Variants in WDR59 observed in about 807,000 individuals in gnomAD.
WDR59 encodes the protein GATOR2 complex protein WDR59.
WDR59 carries 100 observed loss-of-function variants against 131.2 expected under a neutral mutation model. The observed-to-expected ratio is 0.76, with a 90% confidence interval of 0.65 to 0.90. The LOEUF (loss-of-function observed/expected upper bound fraction) is 0.90. WDR59 is among the 40% of genes least tolerant of loss of function. The pLI is 0.00. For missense variants in WDR59, 1,203 were observed against 1,262.2 expected (o/e 0.95, Z 0.71); for synonymous variants, 601 against 466.2 (o/e 1.29, Z -3.72).
chr16:74,923,711 G>A (rs1187852373), intron 9 of WDR59, among the ~76,000 whole-genome samples: 1 of 152,028 alleles, frequency 6.6e-6, no homozygotes, highest in Non-Finnish European at 1.5e-5. Context: ...CTGACCTCAG[G>A]GGATCCAGGT....
intron 3 of WDR59, among the ~76,000 whole-genome samples, chr16:74,952,374 C>CGAGGCAA (rs1285972733): frequency 1.4e-5 from 2 of 141,714 alleles, no homozygotes; most frequent in African/African-American, 2.7e-5. Flanking sequence ...CCTGGGAGGT[C>CGAGGCAA]GAGGCAATAG....
intron 15 of WDR59, 44 bp from the exon 16 acceptor site, chr16:74,909,701 A>G (rs779441002): frequency 6.4e-7 from 1 of 1,554,760 alleles, no homozygotes; most frequent in Non-Finnish European, 8.7e-7. Flanking sequence ...AACCTGTCTT[A>G]AAGCTGAACT....
chr16:74,946,109 C>T (rs970107844), intron 6 of WDR59, among the ~76,000 whole-genome samples: 4 of 152,016 alleles, frequency 2.6e-5, no homozygotes, highest in Non-Finnish European at 4.4e-5. Context: ...CCACCACACC[C>T]GGCCACATTC....
chr16:74,963,624 G>C (rs1353645803), intron 2 of WDR59, among the ~76,000 whole-genome samples: 1 of 152,140 alleles, frequency 6.6e-6, no homozygotes, highest in Non-Finnish European at 1.5e-5. Context: ...GGGATAAATA[G>C]CTAATGCATG....
chr16:74,919,194 C>A (rs557912589), intron 10 of WDR59, among the ~76,000 whole-genome samples: 1 of 152,270 alleles, frequency 6.6e-6, no homozygotes, highest in Non-Finnish European at 1.5e-5. Context: ...AGGGCAGCAG[C>A]CTCTCCCAAC....
intron 2 of WDR59, among the ~76,000 whole-genome samples, chr16:74,958,548 A>C (rs2033403724): frequency 7.5e-6 from 1 of 133,680 alleles, no homozygotes; most frequent in Non-Finnish European, 1.6e-5. Flanking sequence ...AGCTGAGATC[A>C]CACCACTGCA....
At chr16:74,971,570 T>C (rs2033986854) in intron 1 of WDR59, among the ~76,000 whole-genome samples, 1 of 151,516 alleles carries the variant, frequency 6.6e-6, no homozygotes, top group South Asian at 2.1e-4. Context: ...GTAGCTGGGA[T>C]TACAAGTACC....
chr16:74,959,837 A>C, intron 2 of WDR59, among the ~76,000 whole-genome samples: 1 of 142,656 alleles, frequency 7.0e-6, no homozygotes, highest in Admixed American at 6.8e-5. Flanking sequence ...AACAATAAGA[A>C]AAAAAAAAAA....
At chr16:74,964,418 G>C (rs1050528179) in intron 2 of WDR59, among the ~76,000 whole-genome samples, 2 of 150,108 alleles carry the variant, frequency 1.3e-5, no homozygotes, top group Non-Finnish European at 3.0e-5. Context: ...GCAGAAAAGA[G>C]ATACCAACTT....
chr16:74,959,965 A>G (rs909082419), intron 2 of WDR59, among the ~76,000 whole-genome samples: 1 of 152,166 alleles, frequency 6.6e-6, no homozygotes, highest in Non-Finnish European at 1.5e-5. Context: ...TAAACATTAA[A>G]ACAATAGTTG....
intron 2 of WDR59, among the ~76,000 whole-genome samples, chr16:74,961,427 T>A (rs759090221): frequency 6.6e-6 from 1 of 152,172 alleles, no homozygotes; most frequent in South Asian, 2.1e-4. Context: ...TGTAAAAGCA[T>A]TCCTATTTCT....
intron 11 of WDR59, among the ~76,000 whole-genome samples, chr16:74,916,858 C>CA (rs34120750): frequency 0.58 from 81,348 of 139,422 alleles, 23,868 homozygotes; most frequent in East Asian, 0.72. Context: ...GACTCCATCT[C>CA]AAAAAAAAAA....
At chr16:74,905,115 C>A (rs1965734738) in intron 17 of WDR59, among the ~76,000 whole-genome samples, 1 of 152,190 alleles carries the variant, frequency 6.6e-6, no homozygotes. Flanking sequence ...GTGGCTCACG[C>A]CTATAATCCC....
chr16:74,983,176 C>T (rs2034493515), intron 1 of WDR59, among the ~76,000 whole-genome samples: 1 of 152,054 alleles, frequency 6.6e-6, no homozygotes, highest in Admixed American at 6.6e-5. Context: ...GACTCTGTCT[C>T]TACAAAAAAT....
At chr16:74,914,328 G>T (rs1466204107) in intron 13 of WDR59, among the ~76,000 whole-genome samples, 1 of 152,198 alleles carries the variant, frequency 6.6e-6, no homozygotes, top group Non-Finnish European at 1.5e-5. Flanking sequence ...TATCCACACT[G>T]TCCTCAAATG....
intron 22 of WDR59, 117 bp from the exon 23 acceptor site, chr16:74,887,872 G>T: frequency 9.2e-7 from 1 of 1,085,818 alleles, no homozygotes; most frequent in Non-Finnish European, 1.4e-6. Flanking sequence ...AATCCTAGCA[G>T]TTTGGGAGGC....
intron 7 of WDR59, among the ~76,000 whole-genome samples, chr16:74,939,761 G>A (rs1002786060): frequency 2.0e-5 from 3 of 152,172 alleles, no homozygotes; most frequent in Non-Finnish European, 2.9e-5. Context: ...GGCCAAGGCA[G>A]GAGGATGACT....
intron 25 of WDR59, among the ~76,000 whole-genome samples, chr16:74,878,174 A>G (rs1408415970): frequency 2.6e-5 from 4 of 152,230 alleles, no homozygotes; most frequent in Non-Finnish European, 5.9e-5. Flanking sequence ...TATTAAACCC[A>G]CAATGTAAGA....
intron 6 of WDR59, among the ~76,000 whole-genome samples, chr16:74,947,176 C>T (rs1183331553): frequency 3.3e-5 from 5 of 152,166 alleles, no homozygotes; most frequent in Admixed American, 6.6e-5. Flanking sequence ...GGGCCAGTCG[C>T]GATGGCTCAA....
Sources: gnomAD v4.1 joint callset for allele counts (sites outside exome capture counted in the v4.1 genomes callset) on GRCh38, gnomAD v4.1.1 for gene constraint, MANE v1.5 for transcripts, NCBI Gene and HGNC (gene_info 2026-07-23, HGNC 2026-07-21) for gene names.